NEURL1: variants seen among roughly 807,000 people sequenced by gnomAD.
NEURL1 encodes the protein neuralized E3 ubiquitin protein ligase 1, also known as E3 ubiquitin-protein ligase NEURL1.
A neutral mutation model predicts 41.2 loss-of-function variants in NEURL1; 26 were observed. The observed-to-expected ratio is 0.63, with a 90% CI of 0.46 to 0.87. The LOEUF (loss-of-function observed/expected upper bound fraction) is 0.87. Among genes scored for constraint, NEURL1 ranks in the 40% least tolerant of loss-of-function variants. The pLI is 0.00. For synonymous variants in NEURL1, 400 were observed against 402.3 expected (o/e 0.99, Z 0.07); for missense variants, 761 against 871.1 (o/e 0.87, Z 1.59).
At chr10:103,543,833 G>A (rs1363854602) in intron 1 of NEURL1, among the ~76,000 whole-genome samples, 2 of 152,162 alleles carry the variant, frequency 1.3e-5, no homozygotes, top group Admixed American at 1.3e-4. Context: ...CCAAGGAGAG[G>A]GACAGTGTTC....
intron 1 of NEURL1, among the ~76,000 whole-genome samples, chr10:103,546,870 A>G (rs1263071542): frequency 6.6e-6 from 1 of 152,230 alleles, no homozygotes; most frequent in East Asian, 1.9e-4. Context: ...TGAGAGGAAG[A>G]AGCCCCCAGA....
chr10:103,521,098 G>A (rs2034338748), intron 1 of NEURL1, among the ~76,000 whole-genome samples: 1 of 152,170 alleles, frequency 6.6e-6, no homozygotes, highest in South Asian at 2.1e-4. Flanking sequence ...TTAAGTTGGA[G>A]GCTGAGCTTC....
intron 4 of NEURL1, 54 bp downstream of exon 4, chr10:103,585,279 TC>T (rs1234668347): frequency 7.1e-7 from 1 of 1,408,036 alleles, no homozygotes; most frequent in East Asian, 2.7e-5. Context: ...GCGGGGACGA[TC>T]CGGGTAGGAG....
Position 103,590,631 on chromosome 10 carries a change from C to A in NEURL1, c.*259C>A, listed in dbSNP as rs376866226. 883 of 533,524 alleles carry A rather than the reference C, an allele frequency of 1.7e-3. 5 individuals are homozygous for A. The highest frequency in any genetic ancestry group is 5.5e-3 in the Middle Eastern group (11 of 1,986). The allele number at this position is 533,524 out of a possible 1,614,324, so 33.0% of individuals were successfully genotyped here. A position where few individuals can be genotyped will look rare whatever the true frequency, so the allele number is the denominator to read the frequency against. On this transcript the variant is annotated 3_prime_UTR_variant, in exon 6 of 6. Transcript: ENST00000369780. ...CTGTCTCTCCCGTCTCTGCACCCAG[C>A]TCCTCTCTGCATGCTGAGGGCTAAA...
At chr10:103,586,195 C>T (rs1375887453) in intron 4 of NEURL1, among the ~76,000 whole-genome samples, 5 of 152,040 alleles carry the variant, frequency 3.3e-5, no homozygotes, top group Non-Finnish European at 5.9e-5. Context: ...ATTAAGGAGA[C>T]GGTGATGGTG....
chr10:103,549,106 C>G (rs11191720), intron 1 of NEURL1: 51,726 of 152,418 alleles, frequency 0.34, 8,995 homozygotes, highest in South Asian at 0.41. Flanking sequence ...GTCCAGTCTA[C>G]GCTGGCCATG....
At chr10:103,533,358 C>A (rs1310121511) in intron 1 of NEURL1, among the ~76,000 whole-genome samples, 1 of 151,350 alleles carries the variant, frequency 6.6e-6, no homozygotes, top group African/African-American at 2.4e-5. Flanking sequence ...TTTCAAATGA[C>A]CTTTCTTTTT....
chr10:103,498,294 C>T (rs2033735137), intron 1 of NEURL1, among the ~76,000 whole-genome samples: 1 of 152,236 alleles, frequency 6.6e-6, no homozygotes, highest in Admixed American at 6.5e-5. Flanking sequence ...GTGGCGCGAT[C>T]TCGGCTCACT....
chr10:103,556,538 C>T lies in NEURL1; in HGVS notation c.86-14334C>T, dbSNP rs1264222899. On this transcript the variant is annotated intron_variant, in intron 1 of 5. Transcript: ENST00000369780. The surrounding 1 kb of genome is among the most constrained non-coding windows in gnomAD (Gnocchi z 4.4). ...GCAGGAGCGCATGGGCAGCCGCAGC[C>T]GGAACTGGTGACCAGGTGGCTTCTC... Among the ~76,000 whole-genome samples, 8 of 152,100 alleles carry T rather than the reference C, an allele frequency of 5.3e-5. No homozygotes were observed. In the South Asian group the frequency reaches 6.2e-4, roughly 12 times the overall value.
intron 1 of NEURL1, among the ~76,000 whole-genome samples, chr10:103,553,611 T>C (rs1214153310): frequency 6.6e-6 from 1 of 152,086 alleles, no homozygotes; most frequent in Non-Finnish European, 1.5e-5. Context: ...TGAATGTCCC[T>C]CCTAACCGCT....
At chr10:103,495,857 G>A (rs61871185) in intron 1 of NEURL1, among the ~76,000 whole-genome samples, 14,907 of 152,128 alleles carry the variant, frequency 0.098, 878 homozygotes, top group Middle Eastern at 0.15. Flanking sequence ...CCTGTAATCC[G>A]AGCACTTTGG....
chr10:103,572,458 T>G (rs200427187), intron 3 of NEURL1, among the ~76,000 whole-genome samples: 2 of 152,240 alleles, frequency 1.3e-5, no homozygotes, highest in East Asian at 3.9e-4. Flanking sequence ...CTAAGACTCT[T>G]GGCTGCTCCC....
rs1592220945 is a variant in NEURL1, at chr10:103,558,169, C to T, written c.86-12703C>T. 14 of 985,250 alleles carry T rather than the reference C, an allele frequency of 1.4e-5. No individual in the cohort carries two copies. Among genetic ancestry groups the T allele is most frequent in the Non-Finnish European group, 1.6e-5 (13 of 829,952 alleles). 61.0% of individuals were successfully genotyped at this position (985,250 alleles called of 1,614,324 possible). A position where few individuals can be genotyped will look rare whatever the true frequency, so the allele number is the denominator to read the frequency against. On this transcript the variant is annotated intron_variant, in intron 1 of 5. Coordinates refer to ENST00000369780, the MANE Select transcript of NEURL1 (RefSeq NM_004210.5). This position sits in a 1 kb window ranked among gnomAD's most constrained non-coding sequence, Gnocchi z 4.2. ...CTGGGTTTACAGGTGTGAGCCACCG[C>T]GCTTGGCTGATTGTATTTTCTTTAG...
chr10:103,559,360 C>G (rs2133871553), intron 1 of NEURL1, among the ~76,000 whole-genome samples: 1 of 152,316 alleles, frequency 6.6e-6, no homozygotes, highest in South Asian at 2.1e-4. Flanking sequence ...AGCCTGGCGC[C>G]TGGCACACAG....
intron 1 of NEURL1, among the ~76,000 whole-genome samples, chr10:103,538,943 GT>G (rs59036052): frequency 0.27 from 35,325 of 129,040 alleles, 5,282 homozygotes; most frequent in African/African-American, 0.49. Context: ...CACCGCACCC[GT>G]TTTTTTTTTT....
At chr10:103,513,488 G>A (rs1314107170) in intron 1 of NEURL1, among the ~76,000 whole-genome samples, 9 of 152,280 alleles carry the variant, frequency 5.9e-5, no homozygotes, top group Non-Finnish European at 1.0e-4. Flanking sequence ...GTGCCACAGA[G>A]GCTAGCCCTG....
chr10:103,571,879 A>T (rs1337388134), intron 3 of NEURL1, 57 bp downstream of exon 3: 24 of 1,493,356 alleles, frequency 1.6e-5, no homozygotes, highest in Non-Finnish European at 2.1e-5. Flanking sequence ...GCCTCTGGGC[A>T]CTGCAGCCTG....
At position 103,584,772 on chromosome 10, in the gene NEURL1, T is replaced by A. The variant is rs1485356521; in HGVS notation, c.886T>A (p.Phe296Ile). ...GGCGCAGCTCGACGGCGACCTGCGTTTCCACGCCCTGCGCGCCGGCGCGCA... is the reference window on the plus strand; with the variant it reads ...GGCGCAGCTCGACGGCGACCTGCGTATCCACGCCCTGCGCGCCGGCGCGCA... ...LPAQLDGDLR[F>I]HALRAGAHVR... Residue 296 changes from phenylalanine (F) to isoleucine (I), a missense_variant, in exon 4 of 6, where the codon TTC becomes ATC. Physicochemically the swap from Phe to Ile is conservative, Grantham distance 21. Coordinates refer to ENST00000369780, the MANE Select transcript of NEURL1 (RefSeq NM_004210.5). 7.0e-7 allele frequency: 1 copy of A among 1,433,158 alleles called. No homozygotes were observed. Among genetic ancestry groups the A allele is most frequent in the African/African-American group, 1.5e-5 (1 of 66,202 alleles). 88.8% of individuals were successfully genotyped at this position (1,433,158 alleles called of 1,614,324 possible).
Position 103,558,068 on chromosome 10 carries a change from C to T in NEURL1, c.86-12804C>T, listed in dbSNP as rs186891322. The T allele has an allele frequency of 1.1e-4, 41 of 388,742 alleles. No homozygotes were observed. The highest frequency in any genetic ancestry group is 6.4e-4 in the Admixed American group (10 of 15,556). 24.1% of individuals were successfully genotyped at this position (388,742 alleles called of 1,614,324 possible). Reference sequence around the variant, plus strand: ...TAATTTTTTGTATTTTTAGTAGAGACGGGGTTTCACCATGTTGGTCAGGCT... The same window carrying T: ...TAATTTTTTGTATTTTTAGTAGAGATGGGGTTTCACCATGTTGGTCAGGCT... On this transcript the variant is annotated intron_variant, in intron 1 of 5. Transcript: ENST00000369780. This position sits in a 1 kb window ranked among gnomAD's most constrained non-coding sequence, Gnocchi z 4.2.
Sources: allele counts gnomAD v4.1 joint callset (sites outside exome capture counted in the v4.1 genomes callset), GRCh38; gene constraint gnomAD v4.1.1; non-coding constraint Gnocchi (gnomAD v3.1); transcripts MANE v1.5; gene names NCBI Gene and HGNC (gene_info 2026-07-23, HGNC 2026-07-21).